Variants in DHX29 observed in about 807,000 individuals in gnomAD.
DHX29 encodes the protein ATP-dependent RNA helicase DHX29.
A neutral mutation model predicts 167.9 loss-of-function variants in DHX29; 79 were observed. The ratio of observed to expected loss-of-function variants is 0.47; its 90% CI spans 0.39 to 0.57. The LOEUF is 0.57. Ranked by LOEUF, DHX29 falls within the 20% of genes least tolerant of loss-of-function variation. The pLI is 0.00. For synonymous variants in DHX29, 530 were observed against 546.0 expected (o/e 0.97, Z 0.41); for missense variants, 1,347 against 1,593.4 (o/e 0.85, Z 2.63).
At chr5:55,268,825 A>G (rs555937217) in intron 21 of DHX29, among the ~76,000 whole-genome samples, 23 of 152,280 alleles carry the variant, frequency 1.5e-4, no homozygotes, top group African/African-American at 5.5e-4. Context: ...AAAGGAAAGA[A>G]AAAAAGTTTT....
At chr5:55,305,524 G>A (rs1458844017) in intron 1 of DHX29, among the ~76,000 whole-genome samples, 1 of 152,202 alleles carries the variant, frequency 6.6e-6, no homozygotes. Context: ...GAAGAAAATA[G>A]GAAGTGTTAC....
At chr5:55,259,746 C>T (rs1353134583) in intron 26 of DHX29, 102 bp downstream of exon 26, 8 of 626,968 alleles carry the variant, frequency 1.3e-5, no homozygotes, top group African/African-American at 3.7e-5. Context: ...CGTGAGCCAC[C>T]GTGCCTGGCC....
intron 14 of DHX29, among the ~76,000 whole-genome samples, chr5:55,275,763 A>G (rs556150644): frequency 1.3e-5 from 2 of 150,698 alleles, no homozygotes; most frequent in Non-Finnish European, 3.0e-5. Flanking sequence ...GTATGTATGT[A>G]TGTATGTATG....
chr5:55,307,645 A>C lies in DHX29; in HGVS notation c.-72T>G, dbSNP rs1030663523. The C allele has an allele frequency of 2.2e-5, 35 of 1,562,768 alleles. No individual in the cohort carries two copies. The highest frequency in any genetic ancestry group is 2.9e-5 in the Non-Finnish European group (33 of 1,153,926). The stretch of plus-strand genomic sequence containing the variant: ...ACCACTGCACAGCCGAGAGCTCTTC[A>C]CATTCCCCGGCTCCGGGGCTGCCAC... On this transcript the variant is annotated 5_prime_UTR_variant, in exon 1 of 27. An upstream open reading frame in the 5' UTR loses its in-frame stop. Transcript: ENST00000251636.
intron 3 of DHX29, among the ~76,000 whole-genome samples, chr5:55,296,612 T>C (rs528274415): frequency 2.0e-5 from 3 of 152,310 alleles, no homozygotes; most frequent in Middle Eastern, 3.4e-3. Flanking sequence ...CAGTCATTTT[T>C]CCATAATTTT....
chr5:55,302,352 T>C (rs1036136209), intron 1 of DHX29, among the ~76,000 whole-genome samples: 3 of 152,156 alleles, frequency 2.0e-5, no homozygotes, highest in Non-Finnish European at 4.4e-5. Context: ...TTACCAAGAC[T>C]ACATGGAGAA....
At chr5:55,298,551 G>GA (rs766561299) in intron 2 of DHX29, 40 bp downstream of exon 2, 2 of 1,217,580 alleles carry the variant, frequency 1.6e-6, no homozygotes, top group African/African-American at 3.0e-5. Flanking sequence ...AAAAAAGGGG[G>GA]AAACATTTCT....
intron 23 of DHX29, among the ~76,000 whole-genome samples, chr5:55,265,733 G>C (rs1257005226): frequency 6.7e-6 from 1 of 150,080 alleles, no homozygotes; most frequent in Admixed American, 6.6e-5. Flanking sequence ...CTGTATCTTT[G>C]ATGGTATTAA....
intron 6 of DHX29, among the ~76,000 whole-genome samples, chr5:55,292,100 CTG>C (rs1161578817): frequency 1.3e-5 from 2 of 152,158 alleles, no homozygotes; most frequent in African/African-American, 4.8e-5. Context: ...AACTACCAAA[CTG>C]TTTTCCACAG....
At chr5:55,297,155 C>T in intron 3 of DHX29, 130 bp downstream of exon 3, 2 of 598,612 alleles carry the variant, frequency 3.3e-6, no homozygotes, top group Non-Finnish European at 2.9e-6. Context: ...AATTCTTTCT[C>T]TATTCTTAGA....
At chr5:55,267,558 A>G (rs1746639837) in intron 22 of DHX29, 128 bp downstream of exon 22, 4 of 787,246 alleles carry the variant, frequency 5.1e-6, no homozygotes, top group Non-Finnish European at 7.4e-6. Flanking sequence ...TTATACCTTG[A>G]CAGATGAAAT....
chr5:55,268,303 T>TA (rs1281606949), intron 21 of DHX29, among the ~76,000 whole-genome samples: 1 of 152,248 alleles, frequency 6.6e-6, no homozygotes, highest in African/African-American at 2.4e-5. Context: ...GGTTTTCAGA[T>TA]AAACTATCAT....
chr5:55,256,608 T>A, intron 26 of DHX29, 68 bp from the exon 27 acceptor site: 2 of 1,467,136 alleles, frequency 1.4e-6, no homozygotes, highest in Non-Finnish European at 1.8e-6. Flanking sequence ...GGTATGCACA[T>A]GTAAATAAGA....
chr5:55,305,676 T>G (rs963888934), intron 1 of DHX29, among the ~76,000 whole-genome samples: 1 of 152,138 alleles, frequency 6.6e-6, no homozygotes, highest in East Asian at 1.9e-4. Context: ...GACTAGGATG[T>G]GAACTACACA....
chr5:55,268,294 G>A (rs867741460), intron 21 of DHX29, among the ~76,000 whole-genome samples: 1 of 152,044 alleles, frequency 6.6e-6, no homozygotes, highest in Non-Finnish European at 1.5e-5. Flanking sequence ...GTTGTTGTAG[G>A]TTTTCAGATA....
At chr5:55,301,391 G>A (rs1283973079) in intron 1 of DHX29, among the ~76,000 whole-genome samples, 2 of 152,116 alleles carry the variant, frequency 1.3e-5, no homozygotes, top group Non-Finnish European at 2.9e-5. Flanking sequence ...AGGACCTCCT[G>A]AGCACACTTT....
chr5:55,261,060 T>C (rs112081415), intron 25 of DHX29, among the ~76,000 whole-genome samples: 1,588 of 152,250 alleles, frequency 0.01, 25 homozygotes, highest in African/African-American at 0.036. Context: ...AAAGAAACTA[T>C]AGAAATTACC....
intron 8 of DHX29, among the ~76,000 whole-genome samples, chr5:55,288,431 C>T (rs1747858363): frequency 6.6e-6 from 1 of 150,446 alleles, no homozygotes; most frequent in African/African-American, 2.4e-5. Context: ...GTACATAATA[C>T]TATACTATTT....
chr5:55,274,896 C>A lies in DHX29; in HGVS notation c.2542G>T (p.Asp848Tyr), dbSNP rs192537558. The A allele has an allele frequency of 6.2e-7, 1 of 1,613,454 alleles. No homozygotes were observed. The highest frequency in any genetic ancestry group is 2.2e-5 in the East Asian group (1 of 44,812). ...LYMNPHKINL[D>Y]LILELLAYLD... ...TATGCAAGAAGTTCCAAAATGAGAT[C>A]CAGGTTGATTTTATGAGGATTCATG... Residue 848 changes from aspartate (D) to tyrosine (Y), a missense_variant, in exon 15 of 27, where the codon GAT (aspartate) becomes TAT (tyrosine). Around this residue, in one of 3 missense-constraint regions of DHX29, gnomAD observed 882 missense variants for 1,082.4 expected, o/e 0.81. Transcript: ENST00000251636.
Sources: gnomAD v4.1 joint callset for allele counts (sites outside exome capture counted in the v4.1 genomes callset) on GRCh38, gnomAD v4.1.1 for gene constraint, gnomAD v4.1.1 regional missense constraint, MANE v1.5 for transcripts, NCBI Gene and HGNC (gene_info 2026-07-23, HGNC 2026-07-21) for gene names.